The following BIRC6 variants were observed in gnomAD, a reference collection of about 807,000 sequenced individuals.
The protein encoded by BIRC6 is baculoviral IAP repeat containing 6, also known as dual E2 ubiquitin-conjugating enzyme/E3 ubiquitin-protein ligase BIRC6.
A neutral mutation model predicts 503.3 loss-of-function variants in BIRC6; 98 were observed. That is an observed-to-expected ratio of 0.19 (90% CI 0.17 to 0.23). The LOEUF (loss-of-function observed/expected upper bound fraction) is 0.23. Ranked by LOEUF, BIRC6 falls within the 10% of genes least tolerant of loss-of-function variation. The pLI is 1.00. For missense variants in BIRC6, 5,360 were observed against 5,806.0 expected (o/e 0.92, Z 2.50); for synonymous variants, 2,240 against 2,078.7 (o/e 1.08, Z -2.11).
At chr2:32,441,998 C>T (rs2045488012) in intron 17 of BIRC6, 67 bp from the exon 18 acceptor site, 1 of 1,196,024 alleles carries the variant, frequency 8.4e-7, no homozygotes, top group Non-Finnish European at 1.1e-6. Context: ...GCCTTTCCAG[C>T]CAGGTTGTGA....
intron 66 of BIRC6, among the ~76,000 whole-genome samples, chr2:32,583,467 A>C (rs2060821056): frequency 6.6e-6 from 1 of 152,236 alleles, no homozygotes; most frequent in South Asian, 2.1e-4. Context: ...ACTAATAACC[A>C]GAATTTGAAT....
intron 11 of BIRC6, among the ~76,000 whole-genome samples, chr2:32,430,050 A>G (rs891780589): frequency 3.3e-5 from 5 of 152,220 alleles, no homozygotes; most frequent in Non-Finnish European, 5.9e-5. Flanking sequence ...TGCTGTTAAT[A>G]TTTACAAACT....
At chr2:32,502,693 T>C in intron 47 of BIRC6, 102 bp from the exon 48 acceptor site, 1 of 784,976 alleles carries the variant, frequency 1.3e-6, no homozygotes, top group Admixed American at 3.4e-5. Flanking sequence ...TTTAAGGCTG[T>C]CAGTTTACAA....
At chr2:32,567,700 C>T (rs2059627729) in intron 65 of BIRC6, among the ~76,000 whole-genome samples, 1 of 152,182 alleles carries the variant, frequency 6.6e-6, no homozygotes, top group Non-Finnish European at 1.5e-5. Flanking sequence ...CTCATACACA[C>T]AGTGGGGATG....
chr2:32,479,757 C>T, intron 37 of BIRC6, 140 bp downstream of exon 37: 1 of 696,674 alleles, frequency 1.4e-6, no homozygotes, highest in Non-Finnish European at 2.3e-6. Context: ...CCATTATTTT[C>T]CTGGTAAATA....
intron 1 of BIRC6, among the ~76,000 whole-genome samples, chr2:32,370,525 C>T (rs545115100): frequency 1.3e-5 from 2 of 152,236 alleles, no homozygotes; most frequent in African/African-American, 4.8e-5. Context: ...CAGTCACTGA[C>T]CTTTCCCAAA....
intron 54 of BIRC6, among the ~76,000 whole-genome samples, chr2:32,513,877 C>G (rs540122158): frequency 1.3e-5 from 2 of 151,818 alleles, no homozygotes; most frequent in South Asian, 4.2e-4. Flanking sequence ...CCATTGAACT[C>G]AAGCCTGGGC....
chr2:32,607,258 T>G (rs1482565237), intron 71 of BIRC6, among the ~76,000 whole-genome samples, 197 bp from the exon 72 acceptor site: 1 of 152,166 alleles, frequency 6.6e-6, no homozygotes, highest in African/African-American at 2.4e-5. Context: ...AAGTATTACT[T>G]ATGGCTCTAT....
At chr2:32,448,638 G>T (rs1465540863) in intron 21 of BIRC6, among the ~76,000 whole-genome samples, 157 bp from the exon 22 acceptor site, 1 of 150,396 alleles carries the variant, frequency 6.6e-6, no homozygotes, top group Non-Finnish European at 1.5e-5. Context: ...GAGGGAGACC[G>T]TGGAAGGGGA....
chr2:32,367,133 A>T (rs145204243), intron 1 of BIRC6, among the ~76,000 whole-genome samples: 23 of 152,112 alleles, frequency 1.5e-4, no homozygotes, highest in Admixed American at 1.4e-3. Flanking sequence ...GAGATAATAG[A>T]GATACAAATA....
Position 32,401,358 on chromosome 2 carries a change from C to T in BIRC6, c.1230C>T (p.Cys410=). ...LAAATKRGKI[C]IWDVSKLMKV... is the part of the protein sequence containing the mutation. ...CTGCAACTAAACGAGGAAAGATCTG[C>T]ATATGGGATGTTTCCAAACTTATGA... is the stretch of plus-strand genomic sequence containing the variant. Residue 410 remains cysteine, a synonymous_variant, in exon 7 of 74, where the codon TGC becomes TGT. Transcript: ENST00000421745. The T allele has an allele frequency of 1.2e-6, 2 of 1,613,968 alleles. No individual in the cohort carries two copies. The highest frequency in any genetic ancestry group is 1.7e-6 in the Non-Finnish European group (2 of 1,179,876).
At chr2:32,517,119 T>A (rs2055138197) in intron 55 of BIRC6, among the ~76,000 whole-genome samples, 1 of 152,148 alleles carries the variant, frequency 6.6e-6, no homozygotes, top group Non-Finnish European at 1.5e-5. Flanking sequence ...ACACTTGAGC[T>A]TAGAAGTTTG....
chr2:32,444,311 C>T (rs2045735871), intron 20 of BIRC6, among the ~76,000 whole-genome samples: 1 of 151,904 alleles, frequency 6.6e-6, no homozygotes, highest in African/African-American at 2.4e-5. Flanking sequence ...TCCTAAATAC[C>T]CTGGTTTGAT....
At chr2:32,461,409 T>C (rs1045537649) in intron 23 of BIRC6, among the ~76,000 whole-genome samples, 6 of 149,956 alleles carry the variant, frequency 4.0e-5, no homozygotes, top group African/African-American at 1.5e-4. Context: ...TCTCACCATG[T>C]TGACCAAGCT....
chr2:32,600,004 G>A, intron 70 of BIRC6, 104 bp downstream of exon 70: 2 of 1,080,942 alleles, frequency 1.9e-6, no homozygotes, highest in Non-Finnish European at 2.6e-6. Context: ...AAGAGGGCAT[G>A]GGTTTCTTTG....
At chr2:32,395,478 C>A in intron 5 of BIRC6, 33 bp from the exon 6 acceptor site, 1 of 1,458,564 alleles carries the variant, frequency 6.9e-7, no homozygotes, top group Non-Finnish European at 9.5e-7. Context: ...TAATGATTTA[C>A]CTTTTCTGTC....
At chr2:32,472,330 G>A (rs147748317) in intron 32 of BIRC6, among the ~76,000 whole-genome samples, 4,205 of 152,186 alleles carry the variant, frequency 0.028, 106 homozygotes, top group African/African-American at 0.073. Flanking sequence ...CGGCCTCCCA[G>A]AGTGCTGGGA....
intron 58 of BIRC6, 87 bp downstream of exon 58, chr2:32,525,106 A>C (rs57496465): frequency 2.6e-6 from 3 of 1,144,678 alleles, no homozygotes; most frequent in Non-Finnish European, 3.5e-6. Context: ...TATGTAATAC[A>C]TTGTACTAAT....
chr2:32,394,432 C>G (rs942237970), intron 5 of BIRC6, among the ~76,000 whole-genome samples: 7 of 151,744 alleles, frequency 4.6e-5, no homozygotes, highest in Non-Finnish European at 8.8e-5. Flanking sequence ...AGCATTTTGT[C>G]CTATGTTGTA....
Sources: gnomAD v4.1 joint callset for allele counts (sites outside exome capture counted in the v4.1 genomes callset) on GRCh38, gnomAD v4.1.1 for gene constraint, MANE v1.5 for transcripts, NCBI Gene and HGNC (gene_info 2026-07-23, HGNC 2026-07-21) for gene names.